Variants in DUSP10 observed in about 807,000 individuals in gnomAD.
The protein encoded by DUSP10 is dual specificity protein phosphatase 10.
Under a neutral mutation model 30.8 loss-of-function variants are expected in DUSP10, and 14 were observed. That is an observed-to-expected ratio of 0.46 (90% confidence interval 0.30 to 0.71). The LOEUF is 0.71. DUSP10 is among the 30% of genes least tolerant of loss of function. DUSP10 has a pLI of 0.08. For missense variants in DUSP10, 550 were observed against 619.4 expected, an observed-to-expected ratio of 0.89 and a Z score of 1.19; for synonymous variants, 254 against 250.4, an observed-to-expected ratio of 1.01 and a Z score of -0.14.
At chr1:221,736,842 C>T (rs1571833603) in intron 2 of DUSP10, 1 of 985,422 alleles carries the variant, frequency 1.0e-6, no homozygotes, top group Non-Finnish European at 1.2e-6. Context: ...AATAATCTAA[C>T]CTCTACCACC....
At chr1:221,710,929 G>A (rs1050500015) in intron 2 of DUSP10, among the ~76,000 whole-genome samples, 2 of 152,172 alleles carry the variant, frequency 1.3e-5, no homozygotes, top group African/African-American at 4.8e-5. Context: ...ACAATGCTGG[G>A]GTAGGGTGAG....
At chr1:221,719,452 A>G (rs961773971) in intron 2 of DUSP10, among the ~76,000 whole-genome samples, 1 of 152,160 alleles carries the variant, frequency 6.6e-6, no homozygotes, top group Non-Finnish European at 1.5e-5. Context: ...ACTAAGAGAC[A>G]TACAAAATTA....
At chr1:221,737,072 C>A in intron 2 of DUSP10, 3 of 985,454 alleles carry the variant, frequency 3.0e-6, no homozygotes, top group Non-Finnish European at 3.6e-6. Flanking sequence ...TCACAAGTAG[C>A]ACCCAGGAGA....
intron 2 of DUSP10, among the ~76,000 whole-genome samples, chr1:221,715,394 A>G (rs1451470672): frequency 1.3e-5 from 2 of 152,252 alleles, no homozygotes; most frequent in East Asian, 3.9e-4. Flanking sequence ...TTGGTATAGA[A>G]AAGAGCTGGG....
At chr1:221,717,769 T>C (rs1042469543) in intron 2 of DUSP10, among the ~76,000 whole-genome samples, 1 of 152,102 alleles carries the variant, frequency 6.6e-6, no homozygotes, top group Non-Finnish European at 1.5e-5. Flanking sequence ...AAGACAGCTG[T>C]CTGCAAGCCA....
intron 2 of DUSP10, among the ~76,000 whole-genome samples, chr1:221,737,662 A>G (rs1472484221): frequency 6.6e-6 from 1 of 152,188 alleles, no homozygotes; most frequent in Non-Finnish European, 1.5e-5. Context: ...GTGTAGCCCC[A>G]TGAGGGCAAG....
chr1:221,705,357 C>T (rs1027705370), intron 3 of DUSP10, among the ~76,000 whole-genome samples: 2 of 152,136 alleles, frequency 1.3e-5, no homozygotes, highest in Admixed American at 1.3e-4. Context: ...GTGATCCACC[C>T]GCCTCGGCCT....
chr1:221,724,861 G>C (rs372407586), intron 2 of DUSP10, among the ~76,000 whole-genome samples: 2 of 152,152 alleles, frequency 1.3e-5, no homozygotes, highest in East Asian at 3.8e-4. Context: ...ACTTCAACTT[G>C]GAGAAGAGAG....
chr1:221,720,547 G>A (rs923238602), intron 2 of DUSP10, among the ~76,000 whole-genome samples: 4 of 152,208 alleles, frequency 2.6e-5, no homozygotes, highest in African/African-American at 9.7e-5. Context: ...TTTATAAACA[G>A]TGTGGGGAAG....
rs1660881353 is a variant in DUSP10 at position 221,709,809 on chromosome 1, C to T, written c.812-3343G>A. 2.0e-5 allele frequency among the ~76,000 whole-genome samples: 3 copies of T among 152,186 alleles called. No individual in the cohort carries two copies. In the East Asian group the frequency reaches 5.8e-4, roughly 29 times the overall value. ...TAAAGCTAATCTGGTTTTTCTTTTC[C>T]AGTTACTTTCCTCCGACCCTACCCC... On this transcript the variant is annotated intron_variant, in intron 2 of 3. Transcript: ENST00000366899.
chr1:221,726,871 A>G (rs893705956), intron 2 of DUSP10, among the ~76,000 whole-genome samples: 1 of 152,216 alleles, frequency 6.6e-6, no homozygotes, highest in Non-Finnish European at 1.5e-5. Flanking sequence ...CCACTCATAT[A>G]TCAGTTGAAT....
intron 2 of DUSP10, among the ~76,000 whole-genome samples, chr1:221,710,712 C>T (rs959185793): frequency 6.6e-6 from 1 of 152,164 alleles, no homozygotes; most frequent in African/African-American, 2.4e-5. Context: ...TTTTCCTAAA[C>T]AAATATATCT....
At chr1:221,732,100 T>C (rs1661627456) in intron 2 of DUSP10, among the ~76,000 whole-genome samples, 1 of 152,218 alleles carries the variant, frequency 6.6e-6, no homozygotes, top group African/African-American at 2.4e-5. Flanking sequence ...GTTGTCTTTC[T>C]TGCATTTGAA....
chr1:221,706,604 AAAT>A lies in DUSP10; in HGVS notation c.812-141_812-139del. 1 of 565,228 alleles carries A rather than the reference AAAT, an allele frequency of 1.8e-6. No individual in the cohort carries two copies. The highest frequency in any genetic ancestry group is 2.7e-6 in the Non-Finnish European group (1 of 367,586). 35.0% of individuals were successfully genotyped at this position (565,228 alleles called of 1,614,324 possible). A position where few individuals can be genotyped will look rare whatever the true frequency, so the allele number is the denominator to read the frequency against. ...ATATAAATATGTATTTAAGCAAAAA[AAAT>A]AAAAATAAAAATAAAACAAAACAAA... On this transcript the variant is annotated intron_variant, in intron 2 of 3. Transcript: ENST00000366899. This position sits in a 1 kb window ranked among gnomAD's most constrained non-coding sequence, Gnocchi z 4.6.
intron 1 of DUSP10, among the ~76,000 whole-genome samples, chr1:221,741,089 G>T (rs1661940952): frequency 6.6e-6 from 1 of 152,192 alleles, no homozygotes; most frequent in Admixed American, 6.5e-5. Flanking sequence ...AAGTGTCACA[G>T]GCGGAATCCA....
At chr1:221,730,854 C>T (rs969746512) in intron 2 of DUSP10, among the ~76,000 whole-genome samples, 11 of 151,966 alleles carry the variant, frequency 7.2e-5, no homozygotes, top group Admixed American at 6.6e-4. Flanking sequence ...CTATATGTAA[C>T]TCCAACTTTT....
intron 2 of DUSP10, among the ~76,000 whole-genome samples, chr1:221,735,547 A>C (rs987066955): frequency 6.6e-6 from 1 of 152,242 alleles, no homozygotes; most frequent in Non-Finnish European, 1.5e-5. Flanking sequence ...CATTATCTAT[A>C]TTTTTAAATA....
At chr1:221,728,495 A>G (rs2102643444) in intron 2 of DUSP10, among the ~76,000 whole-genome samples, 1 of 152,346 alleles carries the variant, frequency 6.6e-6, no homozygotes, top group Admixed American at 6.5e-5. Context: ...TTGTAGGCTT[A>G]GACTGTAGAA....
intron 2 of DUSP10, among the ~76,000 whole-genome samples, chr1:221,709,316 A>G (rs548344434): frequency 1.3e-5 from 2 of 151,272 alleles, no homozygotes; most frequent in East Asian, 4.0e-4. Flanking sequence ...ATGGGGGGAA[A>G]AAAACCCGTG....
Sources: gnomAD v4.1 joint callset for allele counts (sites outside exome capture counted in the v4.1 genomes callset) on GRCh38, gnomAD v4.1.1 for gene constraint, Gnocchi (gnomAD v3.1) non-coding constraint, MANE v1.5 for transcripts, NCBI Gene and HGNC (gene_info 2026-07-23, HGNC 2026-07-21) for gene names.